Variants in AKAP13 observed in about 807,000 individuals in gnomAD.
AKAP13 encodes the protein A-kinase anchoring protein 13.
In AKAP13, 80 loss-of-function variants were observed where a neutral mutation model predicts 264.5. The ratio of observed to expected loss-of-function variants is 0.30; its 90% CI spans 0.25 to 0.36. The LOEUF (loss-of-function observed/expected upper bound fraction) is 0.36. Ranked by LOEUF, AKAP13 falls within the 10% of genes least tolerant of loss-of-function variation. The pLI is 1.00. For missense variants in AKAP13, 3,712 were observed against 3,435.2 expected (o/e 1.08, Z -2.01); for synonymous variants, 1,380 against 1,250.2 (o/e 1.10, Z -2.19).
chr15:85,543,450 A>G (rs576310296), intron 4 of AKAP13, among the ~76,000 whole-genome samples: 1 of 152,340 alleles, frequency 6.6e-6, no homozygotes, highest in South Asian at 2.1e-4. Flanking sequence ...GGTCGCCTTT[A>G]TATGCCTGCC....
intron 15 of AKAP13, among the ~76,000 whole-genome samples, chr15:85,682,628 T>C (rs974276122): frequency 6.6e-6 from 1 of 152,206 alleles, no homozygotes. Context: ...TCTGTATACA[T>C]GTAAATGATA....
chr15:85,565,536 T>A (rs555220985), intron 5 of AKAP13, among the ~76,000 whole-genome samples: 11 of 152,384 alleles, frequency 7.2e-5, no homozygotes, highest in Admixed American at 2.0e-4. Flanking sequence ...AACACAAGGC[T>A]GACGGACAAC....
At chr15:85,445,536 CATATT>C (rs2073868014) in intron 1 of AKAP13, among the ~76,000 whole-genome samples, 1 of 152,144 alleles carries the variant, frequency 6.6e-6, no homozygotes, top group Admixed American at 6.6e-5. Context: ...ACCCACTTGT[CATATT>C]ATGGAAGTAG....
chr15:85,645,111 A>G (rs1014478672), intron 9 of AKAP13, among the ~76,000 whole-genome samples: 1 of 152,300 alleles, frequency 6.6e-6, no homozygotes, highest in Admixed American at 6.5e-5. Flanking sequence ...CAGAACGAGA[A>G]CTTGTCTCAA....
intron 17 of AKAP13, among the ~76,000 whole-genome samples, chr15:85,697,761 G>A (rs552406916): frequency 2.0e-5 from 3 of 152,156 alleles, no homozygotes; most frequent in Admixed American, 6.5e-5. Context: ...GTTTATAAAG[G>A]AATAAGATGG....
At chr15:85,622,760 T>C (rs2081251244) in intron 8 of AKAP13, among the ~76,000 whole-genome samples, 1 of 152,206 alleles carries the variant, frequency 6.6e-6, no homozygotes. Flanking sequence ...CATATGTAAT[T>C]GATAATAGAG....
rs935379145 is a variant in AKAP13, at chr15:85,660,900, C to A, written c.4799+2310C>A. On this transcript the variant is annotated intron_variant, in intron 12 of 36. Coordinates refer to ENST00000394518, the MANE Select transcript of AKAP13 (RefSeq NM_007200.5). ...AGGGGTAGCTCTTACATCCTCCCAC[C>A]CATTTTCCTTGTCTCCTTTCTCCAG... Among the ~76,000 whole-genome samples, 9 of 152,212 alleles carry A rather than the reference C, an allele frequency of 5.9e-5. No individual in the cohort carries two copies. The East Asian group carries it at 1.3e-3, about 23-fold the overall frequency.
intron 1 of AKAP13, among the ~76,000 whole-genome samples, chr15:85,417,648 C>T (rs1294861659): frequency 6.6e-6 from 1 of 152,176 alleles, no homozygotes; most frequent in East Asian, 1.9e-4. Flanking sequence ...CTTTCTTTTG[C>T]CGATTAAACA....
At position 85,514,044 on chromosome 15, in the gene AKAP13, G is replaced by A. The variant is rs1434748120; in HGVS notation, c.34-7384G>A. Among the ~76,000 whole-genome samples, 4 of 137,380 alleles carry A rather than the reference G, an allele frequency of 2.9e-5. 2 individuals are homozygous for A. The highest frequency in any genetic ancestry group is 5.9e-5 in the African/African-American group (2 of 33,992). The allele number at this position is 137,380 out of a possible 152,430, so 90.1% of individuals were successfully genotyped here. On this transcript the variant is annotated intron_variant, in intron 2 of 36. Transcript: ENST00000394518. ...TTTTTTTCTTTCTTATAACTAATAA[G>A]CAGTCTTTGGGGAGACACTTAAAGA...
intron 5 of AKAP13, among the ~76,000 whole-genome samples, chr15:85,567,379 T>G (rs1024712307): frequency 2.6e-5 from 4 of 152,234 alleles, no homozygotes; most frequent in Admixed American, 2.6e-4. Context: ...GTGCTGAGAT[T>G]GCAGGCGTGA....
Position 85,744,916 on chromosome 15 carries a change from C to G in AKAP13, c.*239C>G. On this transcript the variant is annotated 3_prime_UTR_variant, in exon 37 of 37. Transcript: ENST00000394518. ...GACTGCCCAGGACTCTCAGGTTGGGCTGGCCCTACTCAGGATTACACTGAA... is the reference window on the plus strand; with the variant it reads ...GACTGCCCAGGACTCTCAGGTTGGGGTGGCCCTACTCAGGATTACACTGAA... 4.4e-6 allele frequency: 2 copies of G among 451,616 alleles called. No homozygotes were observed. The highest frequency in any genetic ancestry group is 7.8e-6 in the Non-Finnish European group (2 of 256,434). The allele number at this position is 451,616 out of a possible 1,614,324, so 28.0% of individuals were successfully genotyped here.
chr15:85,674,508 A>G (rs1346369610), intron 14 of AKAP13, among the ~76,000 whole-genome samples: 1 of 152,226 alleles, frequency 6.6e-6, no homozygotes, highest in Non-Finnish European at 1.5e-5. Context: ...ATCACAAAGA[A>G]GGGCACTTTC....
intron 16 of AKAP13, among the ~76,000 whole-genome samples, chr15:85,685,982 A>T (rs2084888237): frequency 1.3e-5 from 2 of 152,218 alleles, no homozygotes; most frequent in African/African-American, 4.8e-5. Context: ...ACTTTCTTAT[A>T]CTGATTCCCA....
Position 85,686,382 on chromosome 15 carries a change from A to G in AKAP13, c.5289+1509A>G, listed in dbSNP as rs372262777. Among the ~76,000 whole-genome samples the G allele has an allele frequency of 5.9e-5, 9 of 152,338 alleles. No homozygotes were observed. In the South Asian group the frequency reaches 1.2e-3, roughly 21 times the overall value. On this transcript the variant is annotated intron_variant, in intron 16 of 36. Coordinates refer to ENST00000394518, the MANE Select transcript of AKAP13 (RefSeq NM_007200.5). ...CTCACTTCAGTGGGCTGATGGAAATATAGCCAAAGTATTTTACCATGTTTT... is the reference window on the plus strand; with the variant it reads ...CTCACTTCAGTGGGCTGATGGAAATGTAGCCAAAGTATTTTACCATGTTTT...
chr15:85,665,676 C>A (rs11635270), intron 13 of AKAP13, among the ~76,000 whole-genome samples: 1 of 152,046 alleles, frequency 6.6e-6, no homozygotes, highest in Non-Finnish European at 1.5e-5. Flanking sequence ...TATCCCTCCC[C>A]CAGCCCCCTA....
At chr15:85,403,486 C>T (rs1472104109) in intron 1 of AKAP13, among the ~76,000 whole-genome samples, 1 of 152,260 alleles carries the variant, frequency 6.6e-6, no homozygotes, top group South Asian at 2.1e-4. Context: ...TTCAAGATGG[C>T]ATGGTCTTGT....
chr15:85,618,512 C>T (rs1399977218), intron 8 of AKAP13, among the ~76,000 whole-genome samples: 2 of 151,776 alleles, frequency 1.3e-5, no homozygotes, highest in Non-Finnish European at 2.9e-5. Context: ...TTTTGCTTCC[C>T]TCAGTTCCTC....
intron 1 of AKAP13, among the ~76,000 whole-genome samples, chr15:85,438,336 G>A (rs1019439255): frequency 2.0e-5 from 3 of 148,212 alleles, no homozygotes; most frequent in Non-Finnish European, 4.5e-5. Context: ...ACAAATGGAA[G>A]AACATTCCAT....
chr15:85,562,588 T>C lies in AKAP13; in HGVS notation c.663-12543T>C, dbSNP rs865994728. On this transcript the variant is annotated intron_variant, in intron 5 of 36. Transcript: ENST00000394518. ...TCAAAAAAAAAAATATATATATATA[T>C]ATATATATATATATATATCTCTGTC... Among the ~76,000 whole-genome samples, 7 of 116,554 alleles carry C rather than the reference T, an allele frequency of 6.0e-5. 1 individual carries two copies. Among genetic ancestry groups the C allele is most frequent in the Admixed American group, 2.7e-4 (3 of 11,108 alleles). 76.5% of individuals were successfully genotyped at this position (116,554 alleles called of 152,430 possible). A position where few individuals can be genotyped will look rare whatever the true frequency, so the allele number is the denominator to read the frequency against.
Sources: gnomAD v4.1 joint callset for allele counts (sites outside exome capture counted in the v4.1 genomes callset) on GRCh38, gnomAD v4.1.1 for gene constraint, MANE v1.5 for transcripts, NCBI Gene and HGNC (gene_info 2026-07-23, HGNC 2026-07-21) for gene names.